Variants in ARHGAP42 observed in about 807,000 individuals in gnomAD.
ARHGAP42 encodes rho GTPase-activating protein 42.
ARHGAP42 carries 63 observed loss-of-function variants against 125.0 expected under a neutral mutation model. That is an observed-to-expected ratio of 0.50 (90% confidence interval 0.41 to 0.62). The LOEUF (loss-of-function observed/expected upper bound fraction) is 0.62, where lower values mean the gene tolerates loss of function less well. Among genes scored for constraint, ARHGAP42 ranks in the 20% least tolerant of loss-of-function variants. The pLI, the probability that ARHGAP42 is intolerant of heterozygous loss-of-function variation, is 0.00. For synonymous variants in ARHGAP42, 339 were observed against 351.0 expected (o/e 0.97, Z 0.38); for missense variants, 766 against 1,024.2 (o/e 0.75, Z 3.44).
intron 6 of ARHGAP42, among the ~76,000 whole-genome samples, chr11:100,922,558 A>G (rs1591297870): frequency 6.6e-6 from 1 of 152,184 alleles, no homozygotes; most frequent in South Asian, 2.1e-4. Context: ...CAAATATCTA[A>G]TCTAAGCCAT....
intron 3 of ARHGAP42, among the ~76,000 whole-genome samples, chr11:100,858,886 GT>G (rs910080933): frequency 3.3e-5 from 5 of 151,950 alleles, no homozygotes. Flanking sequence ...GCTTCATTCA[GT>G]TGCTTGTCTT....
intron 6 of ARHGAP42, among the ~76,000 whole-genome samples, chr11:100,929,726 T>A (rs2135255835): frequency 6.6e-6 from 1 of 152,356 alleles, no homozygotes; most frequent in East Asian, 1.9e-4. Flanking sequence ...CCTATTCAAT[T>A]TCTTTGCCTA....
chr11:100,858,503 G>A (rs1865376519), intron 3 of ARHGAP42, among the ~76,000 whole-genome samples: 1 of 151,950 alleles, frequency 6.6e-6, no homozygotes, highest in African/African-American at 2.4e-5. Flanking sequence ...TGTGTATTAT[G>A]GACTTTAAGA....
chr11:100,803,006 G>A (rs1863898146), intron 3 of ARHGAP42, among the ~76,000 whole-genome samples: 1 of 152,176 alleles, frequency 6.6e-6, no homozygotes, highest in Non-Finnish European at 1.5e-5. Context: ...CATGAAGCTT[G>A]CATTCTAAGG....
intron 4 of ARHGAP42, among the ~76,000 whole-genome samples, chr11:100,892,493 A>G (rs554191887): frequency 3.3e-5 from 5 of 152,004 alleles, no homozygotes; most frequent in African/African-American, 9.6e-5. Context: ...TCTTTAATTC[A>G]TGCTGTAAAA....
At chr11:100,751,288 T>TTGTTTTTTGTTTTTTG (rs1565555356) in intron 1 of ARHGAP42, among the ~76,000 whole-genome samples, 2 of 139,076 alleles carry the variant, frequency 1.4e-5, no homozygotes, top group Non-Finnish European at 3.1e-5. Flanking sequence ...TGTTTTTTTT[T>TTGTTTTTTGTTTTTTG]TTTTTTTTTT....
At chr11:100,828,521 G>A (rs1005371516) in intron 3 of ARHGAP42, among the ~76,000 whole-genome samples, 7 of 152,136 alleles carry the variant, frequency 4.6e-5, no homozygotes, top group African/African-American at 9.7e-5. Flanking sequence ...ACCCCTGGTG[G>A]TGGTTTCAAC....
Position 100,921,492 on chromosome 11 carries a change from A to T in ARHGAP42, c.487-2A>T. On this transcript the variant is annotated splice_acceptor_variant, in intron 5 of 23. Coordinates refer to ENST00000298815, the MANE Select transcript of ARHGAP42 (RefSeq NM_152432.4). LOFTEE classifies it high-confidence loss of function. Reference sequence around the variant, plus strand: ...TAATCACCCTCTGGTTTTTCTCTTTAGGCAGATACACAAATTGACCGAGAA... The same window carrying T: ...TAATCACCCTCTGGTTTTTCTCTTTTGGCAGATACACAAATTGACCGAGAA... 1 of 1,537,770 alleles carries T rather than the reference A, an allele frequency of 6.5e-7. No homozygotes were observed. Among genetic ancestry groups the T allele is most frequent in the Non-Finnish European group, 8.8e-7 (1 of 1,138,742 alleles).
At chr11:100,874,753 A>T (rs1046867046) in intron 4 of ARHGAP42, among the ~76,000 whole-genome samples, 1 of 152,106 alleles carries the variant, frequency 6.6e-6, no homozygotes, top group Non-Finnish European at 1.5e-5. Context: ...TTTCCTTTTT[A>T]AAATGTATTC....
At chr11:100,858,960 A>C (rs1441848880) in intron 3 of ARHGAP42, among the ~76,000 whole-genome samples, 5 of 152,104 alleles carry the variant, frequency 3.3e-5, no homozygotes, top group African/African-American at 1.2e-4. Flanking sequence ...ATTTGTTTTA[A>C]AGTTTAAGTA....
chr11:100,903,117 G>GCACGCA (rs1555021070), intron 4 of ARHGAP42, among the ~76,000 whole-genome samples: 2 of 131,942 alleles, frequency 1.5e-5, no homozygotes, highest in African/African-American at 5.6e-5. Flanking sequence ...TCCAAGATGC[G>GCACGCA]CACACACACA....
chr11:100,690,707 C>T (rs985881235), intron 1 of ARHGAP42, among the ~76,000 whole-genome samples: 6 of 152,136 alleles, frequency 3.9e-5, no homozygotes, highest in Non-Finnish European at 8.8e-5. Flanking sequence ...CACCATTCTC[C>T]TGCCTCAGCC....
At chr11:100,832,815 A>G (rs1864693567) in intron 3 of ARHGAP42, among the ~76,000 whole-genome samples, 1 of 152,228 alleles carries the variant, frequency 6.6e-6, no homozygotes, top group African/African-American at 2.4e-5. Flanking sequence ...AAGGAAGCCA[A>G]TTTATTGGAA....
At chr11:100,856,244 T>G (rs559626161) in intron 3 of ARHGAP42, among the ~76,000 whole-genome samples, 2 of 152,246 alleles carry the variant, frequency 1.3e-5, no homozygotes, top group African/African-American at 4.8e-5. Context: ...GTACTCTAAT[T>G]CACATTTTAA....
chr11:100,992,392 A>G lies in ARHGAP42; in HGVS notation c.*3591A>G. On this transcript the variant is annotated 3_prime_UTR_variant, in exon 24 of 24. Transcript: ENST00000298815. ...AAGAACACAGGCTTGACTATTGTCCAGAAGTTACTTTCCCCTTGACTAAAG... is the reference window on the plus strand; with the variant it reads ...AAGAACACAGGCTTGACTATTGTCCGGAAGTTACTTTCCCCTTGACTAAAG... The G allele has an allele frequency of 6.2e-7, 1 of 1,614,096 alleles. No homozygotes were observed. Among genetic ancestry groups the G allele is most frequent in the Non-Finnish European group, 8.5e-7 (1 of 1,179,948 alleles).
chr11:100,980,234 A>G (rs377247903), intron 22 of ARHGAP42, among the ~76,000 whole-genome samples: 1 of 152,164 alleles, frequency 6.6e-6, no homozygotes, highest in African/African-American at 2.4e-5. Context: ...TGACCGAAGC[A>G]TGGTGAAAAC....
chr11:100,845,226 A>T (rs1186988600), intron 3 of ARHGAP42, among the ~76,000 whole-genome samples: 1 of 152,182 alleles, frequency 6.6e-6, no homozygotes, highest in Non-Finnish European at 1.5e-5. Flanking sequence ...GGAGACTATT[A>T]TTCTAAGTGA....
chr11:100,938,462 C>G (rs1311651130), intron 8 of ARHGAP42, among the ~76,000 whole-genome samples: 1 of 152,216 alleles, frequency 6.6e-6, no homozygotes, highest in Admixed American at 6.6e-5. Flanking sequence ...CAATTTCCAT[C>G]TTGATTTGAT....
chr11:100,708,701 C>T (rs752800369), intron 1 of ARHGAP42, among the ~76,000 whole-genome samples: 2 of 151,990 alleles, frequency 1.3e-5, no homozygotes, highest in South Asian at 2.1e-4. Flanking sequence ...TTTAACCTCC[C>T]ATGTTCACAT....
Sources: gnomAD v4.1 joint callset for allele counts (sites outside exome capture counted in the v4.1 genomes callset) on GRCh38, gnomAD v4.1.1 for gene constraint, MANE v1.5 for transcripts, NCBI Gene and HGNC (gene_info 2026-07-23, HGNC 2026-07-21) for gene names.